The following MEGF9 variants were observed in gnomAD, a reference collection of about 807,000 sequenced individuals.
The protein encoded by MEGF9 is multiple epidermal growth factor-like domains protein 9.
Under a neutral mutation model 46.8 loss-of-function variants are expected in MEGF9, and 6 were observed. The observed-to-expected ratio is 0.13, with a 90% CI of 0.07 to 0.25. The LOEUF is 0.25. Among genes scored for constraint, MEGF9 ranks in the 10% least tolerant of loss-of-function variants. MEGF9 has a pLI of 1.00. For missense variants in MEGF9, 683 were observed against 792.4 expected (o/e 0.86, Z 1.66); for synonymous variants, 302 against 330.7 (o/e 0.91, Z 0.94).
intron 1 of MEGF9, among the ~76,000 whole-genome samples, chr9:120,684,411 G>A (rs2043812319): frequency 6.6e-6 from 1 of 152,082 alleles, no homozygotes; most frequent in South Asian, 2.1e-4. Flanking sequence ...CATTCCAAAG[G>A]ACATTTTAAA....
chr9:120,634,052 T>C (rs945190194), intron 2 of MEGF9, among the ~76,000 whole-genome samples: 1 of 152,246 alleles, frequency 6.6e-6, no homozygotes, highest in South Asian at 2.1e-4. Context: ...AGAAAGGATG[T>C]ACATTTTGTA....
chr9:120,691,052 G>A (rs1379678630), intron 1 of MEGF9, among the ~76,000 whole-genome samples: 1 of 152,068 alleles, frequency 6.6e-6, no homozygotes, highest in Non-Finnish European at 1.5e-5. Context: ...TTCTTCACAT[G>A]TAGAAACTGG....
At chr9:120,613,394 C>T (rs574878701) in intron 3 of MEGF9, among the ~76,000 whole-genome samples, 75 of 151,572 alleles carry the variant, frequency 4.9e-4, no homozygotes, top group African/African-American at 1.7e-3. Context: ...AAGAGGACCT[C>T]AACTTTATTG....
chr9:120,709,816 C>G (rs895360741), intron 1 of MEGF9, among the ~76,000 whole-genome samples: 1 of 151,762 alleles, frequency 6.6e-6, no homozygotes, highest in Non-Finnish European at 1.5e-5. Flanking sequence ...TGGGAGGCCG[C>G]GGTGGGCAGA....
intron 1 of MEGF9, among the ~76,000 whole-genome samples, chr9:120,709,776 C>A (rs1190697027): frequency 6.6e-6 from 1 of 152,128 alleles, no homozygotes; most frequent in Non-Finnish European, 1.5e-5. Context: ...GGCCAGCGTG[C>A]GGCAGCTCAC....
intron 1 of MEGF9, among the ~76,000 whole-genome samples, chr9:120,674,174 C>A (rs1379361884): frequency 6.6e-6 from 1 of 152,088 alleles, no homozygotes; most frequent in African/African-American, 2.4e-5. Context: ...ATACTTTGTT[C>A]TTCAAAAGAC....
At chr9:120,648,876 A>G (rs887966340) in intron 2 of MEGF9, among the ~76,000 whole-genome samples, 2 of 152,192 alleles carry the variant, frequency 1.3e-5, no homozygotes, top group Admixed American at 1.3e-4. Flanking sequence ...TTTTGGCATC[A>G]GTTTACTTCA....
intron 1 of MEGF9, among the ~76,000 whole-genome samples, chr9:120,689,626 T>C (rs1344921333): frequency 6.6e-6 from 1 of 152,164 alleles, no homozygotes; most frequent in African/African-American, 2.4e-5. Context: ...ACAGGATATT[T>C]ATCATTACCT....
At chr9:120,708,343 A>G (rs12003646) in intron 1 of MEGF9, among the ~76,000 whole-genome samples, 105,145 of 152,150 alleles carry the variant, frequency 0.69, 36,518 homozygotes, top group South Asian at 0.75. Flanking sequence ...CCAGCCTGGC[A>G]ACAGAGCAAA....
At chr9:120,663,397 G>C (rs2043711180) in intron 1 of MEGF9, among the ~76,000 whole-genome samples, 1 of 152,212 alleles carries the variant, frequency 6.6e-6, no homozygotes, top group South Asian at 2.1e-4. Flanking sequence ...TAAAATCTCA[G>C]ACCCTTCACA....
intron 1 of MEGF9, among the ~76,000 whole-genome samples, chr9:120,697,058 C>T (rs796371477): frequency 2.7e-4 from 41 of 152,250 alleles, no homozygotes; most frequent in African/African-American, 9.6e-4. Context: ...GTATGAATCA[C>T]ATTTGCAAGT....
In MEGF9 at chr9:120,705,300, A is replaced by G. The variant is rs773562565; in HGVS notation, c.601+8458T>C. 6.6e-5 allele frequency among the ~76,000 whole-genome samples: 10 copies of G among 152,094 alleles called. No individual in the cohort carries two copies. In the East Asian group the frequency reaches 1.5e-3, roughly 23 times the overall value. ...CAGTGCAAACTGTTCAACGCCATGC[A>G]TGCTGACACTAACACATCTTTAAGG... On this transcript the variant is annotated intron_variant, in intron 1 of 5. Coordinates refer to ENST00000373930, the MANE Select transcript of MEGF9 (RefSeq NM_001080497.3).
chr9:120,677,671 C>G (rs1247764253), intron 1 of MEGF9, among the ~76,000 whole-genome samples: 1 of 152,168 alleles, frequency 6.6e-6, no homozygotes, highest in Non-Finnish European at 1.5e-5. Flanking sequence ...TAAAACAATA[C>G]AAGTATCTCT....
chr9:120,698,617 AACAG>A (rs1314123489), intron 1 of MEGF9, among the ~76,000 whole-genome samples: 2 of 152,240 alleles, frequency 1.3e-5, no homozygotes, highest in Admixed American at 1.3e-4. Flanking sequence ...ATCCAGAATT[AACAG>A]ACAAAGTTCT....
At chr9:120,702,035 T>G (rs1202413895) in intron 1 of MEGF9, among the ~76,000 whole-genome samples, 1 of 150,696 alleles carries the variant, frequency 6.6e-6, no homozygotes, top group African/African-American at 2.5e-5. Context: ...AGAGCAAGAC[T>G]CTGTCTCTAA....
chr9:120,654,669 T>C (rs2043668692), intron 2 of MEGF9, among the ~76,000 whole-genome samples: 1 of 152,228 alleles, frequency 6.6e-6, no homozygotes, highest in Non-Finnish European at 1.5e-5. Context: ...ACATCTACGA[T>C]TTTTAAAAAG....
intron 2 of MEGF9, among the ~76,000 whole-genome samples, chr9:120,652,146 A>G (rs1255235186): frequency 1.7e-3 from 27 of 16,050 alleles, no homozygotes; most frequent in Admixed American, 3.9e-3. Flanking sequence ...AAACAAGCAC[A>G]CACACACACA....
At chr9:120,666,041 C>T (rs1181486442) in intron 1 of MEGF9, among the ~76,000 whole-genome samples, 2 of 152,042 alleles carry the variant, frequency 1.3e-5, no homozygotes, top group African/African-American at 2.4e-5. Flanking sequence ...ATGCCTCCAG[C>T]TTTGTTCTTT....
intron 1 of MEGF9, among the ~76,000 whole-genome samples, chr9:120,664,575 A>C (rs1467490429): frequency 2.0e-5 from 3 of 152,342 alleles, no homozygotes; most frequent in East Asian, 3.9e-4. Context: ...AACTAAAATG[A>C]TTACAAAATT....
Sources: allele counts gnomAD v4.1 joint callset (sites outside exome capture counted in the v4.1 genomes callset), GRCh38; gene constraint gnomAD v4.1.1; transcripts MANE v1.5; gene names NCBI Gene and HGNC (gene_info 2026-07-23, HGNC 2026-07-21).